Variants in DOK6 observed in about 807,000 individuals in gnomAD.
DOK6 encodes docking protein 6.
A neutral mutation model predicts 44.0 loss-of-function variants in DOK6; 22 were observed. The ratio of observed to expected loss-of-function variants is 0.50; its 90% confidence interval spans 0.36 to 0.71. The LOEUF is 0.71. Ranked by LOEUF, DOK6 falls within the 30% of genes least tolerant of loss-of-function variation. The pLI is 0.00. For synonymous variants in DOK6, 166 were observed against 145.5 expected (o/e 1.14, Z -1.01); for missense variants, 340 against 416.4 (o/e 0.82, Z 1.60).
intron 1 of DOK6, among the ~76,000 whole-genome samples, chr18:69,417,119 A>G (rs1978361357): frequency 6.6e-6 from 1 of 152,114 alleles, no homozygotes; most frequent in African/African-American, 2.4e-5. Flanking sequence ...GAAATATACA[A>G]TAAATTATTA....
At chr18:69,838,218 T>C (rs143103145) in intron 7 of DOK6, among the ~76,000 whole-genome samples, 5 of 149,576 alleles carry the variant, frequency 3.3e-5, no homozygotes, top group African/African-American at 1.0e-4. Flanking sequence ...TTGTTCTCTT[T>C]CAGATATGTC....
At chr18:69,417,712 C>T (rs992348871) in intron 1 of DOK6, among the ~76,000 whole-genome samples, 1 of 152,046 alleles carries the variant, frequency 6.6e-6, no homozygotes, top group Non-Finnish European at 1.5e-5. Flanking sequence ...TGCATCCTCG[C>T]CAGCATTTAT....
chr18:69,439,469 G>A (rs968227999), intron 1 of DOK6, among the ~76,000 whole-genome samples: 1 of 152,226 alleles, frequency 6.6e-6, no homozygotes, highest in Non-Finnish European at 1.5e-5. Flanking sequence ...TCTTCCAGCA[G>A]AAGGCTGTTT....
intron 1 of DOK6, among the ~76,000 whole-genome samples, chr18:69,470,909 C>G (rs181487734): frequency 6.6e-6 from 1 of 152,002 alleles, no homozygotes; most frequent in African/African-American, 2.4e-5. Context: ...AAATACTTAA[C>G]AGTAAACAAA....
chr18:69,544,243 G>A (rs1169370978), intron 1 of DOK6, among the ~76,000 whole-genome samples: 2 of 151,362 alleles, frequency 1.3e-5, no homozygotes, highest in Admixed American at 6.6e-5. Flanking sequence ...GGGTGACAGG[G>A]CAAGACTCCA....
chr18:69,633,449 A>G (rs1424795414), intron 3 of DOK6, among the ~76,000 whole-genome samples: 1 of 152,208 alleles, frequency 6.6e-6, no homozygotes, highest in Non-Finnish European at 1.5e-5. Flanking sequence ...TATCCTGCAG[A>G]ACATATTCTG....
intron 3 of DOK6, among the ~76,000 whole-genome samples, chr18:69,624,236 C>G (rs1984506217): frequency 6.6e-6 from 1 of 152,146 alleles, no homozygotes. Context: ...TCACCATCAT[C>G]ATCGTCATTA....
chr18:69,424,099 T>C (rs1978570421), intron 1 of DOK6, among the ~76,000 whole-genome samples: 1 of 152,234 alleles, frequency 6.6e-6, no homozygotes, highest in Non-Finnish European at 1.5e-5. Flanking sequence ...TTTACTTCTA[T>C]ATACTATCGC....
At chr18:69,611,245 G>A (rs1984131968) in intron 3 of DOK6, among the ~76,000 whole-genome samples, 2 of 152,128 alleles carry the variant, frequency 1.3e-5, no homozygotes, top group South Asian at 4.1e-4. Context: ...TAAAACTGCA[G>A]TGAGGTGCAT....
At chr18:69,509,628 G>A (rs770330132) in intron 1 of DOK6, among the ~76,000 whole-genome samples, 82 of 111,830 alleles carry the variant, frequency 7.3e-4, no homozygotes, top group Middle Eastern at 7.2e-3. Context: ...ACAGAGCTAG[G>A]CTCTGTCTCA....
intron 1 of DOK6, among the ~76,000 whole-genome samples, chr18:69,470,729 A>G (rs185414206): frequency 5.9e-5 from 9 of 152,258 alleles, no homozygotes; most frequent in Admixed American, 3.3e-4. Flanking sequence ...TAACACATAT[A>G]TGGCCTTCTC....
At chr18:69,814,721 A>G (rs989015745) in intron 7 of DOK6, among the ~76,000 whole-genome samples, 3 of 152,096 alleles carry the variant, frequency 2.0e-5, no homozygotes, top group African/African-American at 7.2e-5. Flanking sequence ...TGCAAGGGGA[A>G]AGTGTCACGC....
intron 4 of DOK6, among the ~76,000 whole-genome samples, chr18:69,687,789 T>A (rs1156536621): frequency 6.6e-6 from 1 of 152,230 alleles, no homozygotes; most frequent in Non-Finnish European, 1.5e-5. Flanking sequence ...ACTCAATGTT[T>A]TTCTCCTAAG....
chr18:69,413,657 G>A (rs1326552661), intron 1 of DOK6, among the ~76,000 whole-genome samples: 1 of 151,646 alleles, frequency 6.6e-6, no homozygotes, highest in Admixed American at 6.6e-5. Context: ...AAAAATTTTT[G>A]GAAAAACATT....
intron 1 of DOK6, among the ~76,000 whole-genome samples, chr18:69,459,031 G>A (rs1290173947): frequency 6.8e-6 from 1 of 148,024 alleles, no homozygotes; most frequent in Non-Finnish European, 1.5e-5. Flanking sequence ...GGCAGATGGA[G>A]GTTGCAGTGA....
chr18:69,653,309 C>CAA (rs34616737), intron 3 of DOK6, among the ~76,000 whole-genome samples: 1 of 127,948 alleles, frequency 7.8e-6, no homozygotes, highest in Admixed American at 7.8e-5. Context: ...GAGACTGGGA[C>CAA]AAAAAAAAAA....
chr18:69,783,122 T>C (rs1031617687), intron 7 of DOK6, among the ~76,000 whole-genome samples: 1 of 152,198 alleles, frequency 6.6e-6, no homozygotes, highest in African/African-American at 2.4e-5. Context: ...AAAAGTACTC[T>C]CACCCACCAG....
At chr18:69,751,026 AT>A (rs1444689317) in intron 6 of DOK6, among the ~76,000 whole-genome samples, 1 of 152,240 alleles carries the variant, frequency 6.6e-6, no homozygotes, top group African/African-American at 2.4e-5. Flanking sequence ...AATACCATGT[AT>A]TCTCACTTAT....
At chr18:69,485,838 A>G (rs1233872980) in intron 1 of DOK6, among the ~76,000 whole-genome samples, 5 of 151,448 alleles carry the variant, frequency 3.3e-5, no homozygotes, top group Non-Finnish European at 7.4e-5. Flanking sequence ...TAAGGCTCAT[A>G]TATGTATGTG....
Sources: allele counts gnomAD v4.1 joint callset (sites outside exome capture counted in the v4.1 genomes callset), GRCh38; gene constraint gnomAD v4.1.1; transcripts MANE v1.5; gene names NCBI Gene and HGNC (gene_info 2026-07-23, HGNC 2026-07-21).